The following CFHR3 variants were observed in gnomAD, a reference collection of about 807,000 sequenced individuals.
CFHR3 encodes the protein complement factor H related 3, also known as complement factor H-related protein 3.
A neutral mutation model predicts 36.0 loss-of-function variants in CFHR3; 22 were observed. The ratio of observed to expected loss-of-function variants is 0.61; its 90% confidence interval spans 0.44 to 0.87. The LOEUF (loss-of-function observed/expected upper bound fraction) is 0.87, where lower values mean the gene tolerates loss of function less well. Among genes scored for constraint, CFHR3 ranks in the 40% least tolerant of loss-of-function variants. The pLI is 0.00. For missense variants in CFHR3, 276 were observed against 401.3 expected (o/e 0.69, Z 2.67); for synonymous variants, 97 against 137.4 (o/e 0.71, Z 2.06).
At chr1:196,778,328 C>G (rs1299001809) in intron 1 of CFHR3, among the ~76,000 whole-genome samples, 1 of 136,964 alleles carries the variant, frequency 7.3e-6, no homozygotes, top group Non-Finnish European at 1.5e-5. Flanking sequence ...TGCCGCTAGC[C>G]TCCTTCCCGT....
In CFHR3 at chr1:196,790,620, AG is replaced by A. The variant is rs1171518576; in HGVS notation, c.796+396del. On this transcript the variant is annotated intron_variant, in intron 5 of 5. Transcript: ENST00000367425. Reference sequence around the variant, plus strand: ...ATGCCTGTAATCCCAGCTACTCAGGAGGGTGAGGCAGGAGAATCATTTGAAC... The same window carrying A: ...ATGCCTGTAATCCCAGCTACTCAGGAGGTGAGGCAGGAGAATCATTTGAAC... Among the ~76,000 whole-genome samples the A allele has an allele frequency of 3.7e-5, 5 of 135,668 alleles. 2 individuals are homozygous for A. The highest frequency in any genetic ancestry group is 1.5e-4 in the African/African-American group (5 of 32,322). The allele number at this position is 135,668 out of a possible 152,430, so 89.0% of individuals were successfully genotyped here.
intron 3 of CFHR3, among the ~76,000 whole-genome samples, chr1:196,784,153 C>T (rs1654087016): frequency 7.3e-6 from 1 of 136,498 alleles, no homozygotes; most frequent in Non-Finnish European, 1.6e-5. Context: ...TTTGATTGCA[C>T]TGTGGTCTGA....
chr1:196,794,350 C>G lies in CFHR3; in HGVS notation c.*837C>G, dbSNP rs146538799. Reference sequence around the variant, plus strand: ...TGATGGCGTGCACCTGTAGTCCCAGCTACTCAGGAGGCTGAGGTGGGAGAA... The same window carrying G: ...TGATGGCGTGCACCTGTAGTCCCAGGTACTCAGGAGGCTGAGGTGGGAGAA... On this transcript the variant is annotated 3_prime_UTR_variant, in exon 6 of 6. Coordinates refer to ENST00000367425, the MANE Select transcript of CFHR3 (RefSeq NM_021023.6). Among the ~76,000 whole-genome samples the G allele has an allele frequency of 0.018, 2,471 of 136,588 alleles. 664 individuals are homozygous for G. Among genetic ancestry groups the G allele is most frequent in the African/African-American group, 0.071 (2,330 of 32,654 alleles). 89.6% of individuals were successfully genotyped at this position (136,588 alleles called of 152,430 possible).
At chr1:196,786,928 T>C (rs1053399114) in intron 3 of CFHR3, among the ~76,000 whole-genome samples, 1 of 137,708 alleles carries the variant, frequency 7.3e-6, no homozygotes, top group African/African-American at 3.0e-5. Flanking sequence ...ACCAGAGCTG[T>C]TCCGATTTGG....
At position 196,783,573 on chromosome 1, in the gene CFHR3, T is replaced by A. The variant is rs560401887; in HGVS notation, c.430+3600T>A. ...AGGAATTTATCCATTTCTTCTAGAT[T>A]TTCTAGTTTATTTGCGCAGAGGTGT... On this transcript the variant is annotated intron_variant, in intron 3 of 5. Coordinates refer to ENST00000367425, the MANE Select transcript of CFHR3 (RefSeq NM_021023.6). 2.3e-5 allele frequency among the ~76,000 whole-genome samples: 3 copies of A among 131,856 alleles called. 1 individual carries two copies. The highest frequency in any genetic ancestry group is 4.7e-5 in the Non-Finnish European group (3 of 63,270). 86.5% of individuals were successfully genotyped at this position (131,856 alleles called of 152,430 possible).
chr1:196,782,100 A>G lies in CFHR3; in HGVS notation c.430+2127A>G, dbSNP rs1234306692. Among the ~76,000 whole-genome samples, 2 of 137,190 alleles carry G rather than the reference A, an allele frequency of 1.5e-5. 1 individual carries two copies. Among genetic ancestry groups the G allele is most frequent in the Non-Finnish European group, 3.1e-5 (2 of 64,652 alleles). The allele number at this position is 137,190 out of a possible 152,430, so 90.0% of individuals were successfully genotyped here. A position where few individuals can be genotyped will look rare whatever the true frequency, so the allele number is the denominator to read the frequency against. On this transcript the variant is annotated intron_variant, in intron 3 of 5. Coordinates refer to ENST00000367425, the MANE Select transcript of CFHR3 (RefSeq NM_021023.6). ...CTTGTTTTTCTCAGGTTTGTCAAAG[A>G]TCAGATAGTTGTAGATATGCAGCGT...
rs543236146 is a variant in CFHR3 at position 196,785,255 on chromosome 1, C to A, written c.431-2961C>A. Among the ~76,000 whole-genome samples, 842 of 135,722 alleles carry A rather than the reference C, an allele frequency of 6.2e-3. 100 individuals are homozygous for A. The highest frequency in any genetic ancestry group is 8.8e-3 in the Non-Finnish European group (565 of 64,298). 89.0% of individuals were successfully genotyped at this position (135,722 alleles called of 152,430 possible). A position where few individuals can be genotyped will look rare whatever the true frequency, so the allele number is the denominator to read the frequency against. Reference sequence around the variant, plus strand: ...CTTAACATTTTTTCCTTCATTTCAACTTTGGTGAATCTGACAATTATGTGT... The same window carrying A: ...CTTAACATTTTTTCCTTCATTTCAAATTTGGTGAATCTGACAATTATGTGT... On this transcript the variant is annotated intron_variant, in intron 3 of 5. Coordinates refer to ENST00000367425, the MANE Select transcript of CFHR3 (RefSeq NM_021023.6).
In CFHR3 at chr1:196,793,313, T is replaced by C; in HGVS notation, c.797-4T>C. On this transcript the variant is annotated splice_region_variant and splice_polypyrimidine_tract_variant and intron_variant, in intron 5 of 5. Coordinates refer to ENST00000367425, the MANE Select transcript of CFHR3 (RefSeq NM_021023.6). ...GATTGTTAATTGTTTTTTTCTGCTT[T>C]CAGATCCATGTATAATAACTGAAGA... 6.6e-7 allele frequency: 1 copy of C among 1,505,228 alleles called. No homozygotes were observed. Among genetic ancestry groups the C allele is most frequent in the Non-Finnish European group, 9.0e-7 (1 of 1,113,798 alleles). The allele number at this position is 1,505,228 out of a possible 1,614,324, so 93.2% of individuals were successfully genotyped here. A position where few individuals can be genotyped will look rare whatever the true frequency, so the allele number is the denominator to read the frequency against.
rs78866743 is a variant in CFHR3 at position 196,787,103 on chromosome 1, A to G, written c.431-1113A>G. Among the ~76,000 whole-genome samples the G allele has an allele frequency of 3.6e-5, 5 of 137,572 alleles. No individual in the cohort carries two copies. The East Asian group carries it at 9.8e-4, about 27-fold the overall frequency. The allele number at this position is 137,572 out of a possible 152,430, so 90.3% of individuals were successfully genotyped here. A position where few individuals can be genotyped will look rare whatever the true frequency, so the allele number is the denominator to read the frequency against. On this transcript the variant is annotated intron_variant, in intron 3 of 5. Coordinates refer to ENST00000367425, the MANE Select transcript of CFHR3 (RefSeq NM_021023.6). ...ATTTACAAAACATTCCATTATAGAA[A>G]CCGCATAATAATTATGGAATAATTG...
chr1:196,788,492 T>C lies in CFHR3; in HGVS notation c.613+94T>C, dbSNP rs1449848266. 37 of 1,473,482 alleles carry C rather than the reference T, an allele frequency of 2.5e-5. 2 individuals carry two copies. In the Admixed American group the frequency reaches 6.9e-4, roughly 28 times the overall value. The allele number at this position is 1,473,482 out of a possible 1,614,324, so 91.3% of individuals were successfully genotyped here. ...TACTTAAAAATATAGAAAACAATTT[T>C]AGGAGTAAAGAGATACAAATACTTC... is the stretch of plus-strand genomic sequence containing the variant. On this transcript the variant is annotated intron_variant, in intron 4 of 5. Coordinates refer to ENST00000367425, the MANE Select transcript of CFHR3 (RefSeq NM_021023.6).
At chr1:196,776,877 A>G (rs1245417267) in intron 1 of CFHR3, among the ~76,000 whole-genome samples, 1 of 135,826 alleles carries the variant, frequency 7.4e-6, no homozygotes, top group Non-Finnish European at 1.6e-5. Context: ...TTTAGAGGGT[A>G]TTCATCAGAA....
At position 196,790,942 on chromosome 1, in the gene CFHR3, C is replaced by T. The variant is rs1185792895; in HGVS notation, c.796+715C>T. Among the ~76,000 whole-genome samples, 14 of 135,728 alleles carry T rather than the reference C, an allele frequency of 1.0e-4. 4 individuals carry two copies. Among genetic ancestry groups the T allele is most frequent in the Non-Finnish European group, 1.4e-4 (9 of 64,172 alleles). The allele number at this position is 135,728 out of a possible 152,430, so 89.0% of individuals were successfully genotyped here. On this transcript the variant is annotated intron_variant, in intron 5 of 5. Coordinates refer to ENST00000367425, the MANE Select transcript of CFHR3 (RefSeq NM_021023.6). ...AGCTTAACACCAGTAATCATTTTCACATTATTAACACTTAGGTAAAGAGTT... is the reference window on the plus strand; with the variant it reads ...AGCTTAACACCAGTAATCATTTTCATATTATTAACACTTAGGTAAAGAGTT...
At chr1:196,786,398 C>T (rs1654201677) in intron 3 of CFHR3, among the ~76,000 whole-genome samples, 1 of 135,462 alleles carries the variant, frequency 7.4e-6, no homozygotes, top group African/African-American at 3.1e-5. Context: ...CTGTGCCCTG[C>T]CCCCAGAGGT....
chr1:196,786,974 G>A (rs115911442), intron 3 of CFHR3, among the ~76,000 whole-genome samples: 4,279 of 137,458 alleles, frequency 0.031, 710 homozygotes, highest in Middle Eastern at 0.047. Context: ...CTATTTTTTA[G>A]TTAGTGCTCT....
intron 1 of CFHR3, among the ~76,000 whole-genome samples, chr1:196,778,537 T>C (rs1653820977): frequency 7.3e-6 from 1 of 136,472 alleles, no homozygotes; most frequent in Non-Finnish European, 1.5e-5. Context: ...TAAGAATATA[T>C]ATATATTTGA....
intron 3 of CFHR3, among the ~76,000 whole-genome samples, chr1:196,785,272 A>G (rs1489223544): frequency 7.4e-6 from 1 of 134,838 alleles, no homozygotes; most frequent in Admixed American, 7.1e-5. Flanking sequence ...GAATCTGACA[A>G]TTATGTGTCT....
At chr1:196,779,389 A>G (rs769085030) in intron 2 of CFHR3, 33 bp downstream of exon 2, 1 of 1,354,132 alleles carries the variant, frequency 7.4e-7, no homozygotes, top group Non-Finnish European at 1.0e-6. Context: ...ACACATGTAT[A>G]AAACTTTAAA....
At chr1:196,779,750 T>A in intron 2 of CFHR3, 47 bp from the exon 3 acceptor site, 1 of 1,454,080 alleles carries the variant, frequency 6.9e-7, no homozygotes, top group South Asian at 1.4e-5. Context: ...TTGTGCAAAT[T>A]TATGTTTCTC....
chr1:196,789,703 C>A, intron 4 of CFHR3: 1 of 1,469,676 alleles, frequency 6.8e-7, no homozygotes, highest in South Asian at 1.4e-5. Flanking sequence ...ATGGAAACAC[C>A]ACAGGTTCCA....
Sources: gnomAD v4.1 joint callset for allele counts (sites outside exome capture counted in the v4.1 genomes callset) on GRCh38, gnomAD v4.1.1 for gene constraint, MANE v1.5 for transcripts, NCBI Gene and HGNC (gene_info 2026-07-23, HGNC 2026-07-21) for gene names.